STK32C: variants seen among roughly 807,000 people sequenced by gnomAD.
STK32C encodes serine/threonine-protein kinase 32C.
STK32C carries 31 observed loss-of-function variants against 56.5 expected under a neutral mutation model. The ratio of observed to expected loss-of-function variants is 0.55; its 90% confidence interval spans 0.41 to 0.74. STK32C has a LOEUF of 0.74. Ranked by LOEUF, STK32C falls within the 30% of genes least tolerant of loss-of-function variation. The pLI is 0.00. For synonymous variants in STK32C, 309 were observed against 289.4 expected (o/e 1.07, Z -0.69); for missense variants, 544 against 676.9 (o/e 0.80, Z 2.18).
At chr10:132,242,049 G>A (rs192490191) in intron 2 of STK32C, among the ~76,000 whole-genome samples, 36 of 152,080 alleles carry the variant, frequency 2.4e-4, no homozygotes, top group African/African-American at 8.0e-4. Context: ...GGTGGATGTC[G>A]CAGTGAGCCG....
chr10:132,246,064 T>G, intron 1 of STK32C, 109 bp from the exon 2 acceptor site: 1 of 1,128,910 alleles, frequency 8.9e-7, no homozygotes, highest in Non-Finnish European at 1.3e-6. Context: ...GGGCCCCTCA[T>G]CCTAGAAGAG....
chr10:132,224,046 C>T (rs2062782199), intron 8 of STK32C, among the ~76,000 whole-genome samples: 1 of 152,210 alleles, frequency 6.6e-6, no homozygotes, highest in East Asian at 1.9e-4. Context: ...ACCCACCCAC[C>T]CGACACCCTC....
At chr10:132,270,548 T>C (rs11146297) in intron 1 of STK32C, among the ~76,000 whole-genome samples, 3,363 of 152,294 alleles carry the variant, frequency 0.022, 137 homozygotes, top group African/African-American at 0.077. Flanking sequence ...CCGCAGGGTA[T>C]GGCCGTGAGT....
rs1491352885 is a variant in STK32C at position 132,268,955 on chromosome 10, TCG to T, written c.263-23002_263-23001del. Among the ~76,000 whole-genome samples, 27 of 79,962 alleles carry T rather than the reference TCG, an allele frequency of 3.4e-4. No homozygotes were observed. The East Asian group carries it at 8.6e-3, about 25-fold the overall frequency. The allele number at this position is 79,962 out of a possible 152,430, so 52.5% of individuals were successfully genotyped here. The stretch of plus-strand genomic sequence containing the variant: ...TGCCTGTGTGCATGCATGTCTCACA[TCG>T]TGTGTGTGTGTGTGTCGGTGTGTGT... On this transcript the variant is annotated intron_variant, in intron 1 of 11. Transcript: ENST00000298630.
At chr10:132,268,449 GTGCA>G (rs1190403400) in intron 1 of STK32C, among the ~76,000 whole-genome samples, 1 of 144,238 alleles carries the variant, frequency 6.9e-6, no homozygotes, top group Non-Finnish European at 1.5e-5. Flanking sequence ...CTATGCCTGT[GTGCA>G]TGCATGTCCC....
At chr10:132,248,916 G>C (rs568759516) in intron 1 of STK32C, 1 of 455,836 alleles carries the variant, frequency 2.2e-6, no homozygotes, top group East Asian at 7.0e-5. Context: ...ATAAGCACAA[G>C]TTCCCAAGGT....
chr10:132,225,864 G>C, intron 4 of STK32C, 80 bp from the exon 5 acceptor site: 1 of 1,585,390 alleles, frequency 6.3e-7, no homozygotes, highest in Non-Finnish European at 8.6e-7. Flanking sequence ...AATCCCTGGA[G>C]TCCCCAGGAC....
At chr10:132,311,354 G>A (rs895497074), upstream of STK32C, among the ~76,000 whole-genome samples, 7 of 152,378 alleles carry the variant, frequency 4.6e-5, no homozygotes, top group East Asian at 1.3e-3. This position sits in a 1 kb window ranked among gnomAD's most constrained non-coding sequence, Gnocchi z 4.4. Context: ...TCCGATGCTG[G>A]TGTCCACCTA....
At chr10:132,215,080 A>G (rs1311781429) in intron 10 of STK32C, among the ~76,000 whole-genome samples, 1 of 152,156 alleles carries the variant, frequency 6.6e-6, no homozygotes, top group Admixed American at 6.5e-5. Context: ...GTGCAGGGGC[A>G]TGATCATAGC....
chr10:132,326,286 T>C (rs1017453304), intron 1 of STK32C, among the ~76,000 whole-genome samples: 2 of 152,182 alleles, frequency 1.3e-5, no homozygotes, highest in African/African-American at 2.4e-5. Flanking sequence ...CCAGAGTCAG[T>C]TGGAGTTGGT....
intron 1 of STK32C, among the ~76,000 whole-genome samples, chr10:132,256,852 T>C (rs1188140851): frequency 6.6e-6 from 1 of 152,122 alleles, no homozygotes; most frequent in Non-Finnish European, 1.5e-5. Context: ...GGAGCTGCAA[T>C]GGAGACAGCC....
chr10:132,282,934 C>T (rs2065260825), intron 1 of STK32C, among the ~76,000 whole-genome samples: 1 of 152,240 alleles, frequency 6.6e-6, no homozygotes, highest in Admixed American at 6.5e-5. Context: ...CTGTCACAGC[C>T]CCTCTGAGGC....
chr10:132,233,434 G>A (rs1429502712), intron 2 of STK32C, among the ~76,000 whole-genome samples: 3 of 152,206 alleles, frequency 2.0e-5, no homozygotes, highest in Non-Finnish European at 4.4e-5. Context: ...GGATTCTAAC[G>A]CGGTGAGTGG....
intron 2 of STK32C, among the ~76,000 whole-genome samples, chr10:132,230,495 C>T (rs2063054372): frequency 6.6e-6 from 1 of 152,258 alleles, no homozygotes; most frequent in Non-Finnish European, 1.5e-5. Flanking sequence ...TCACTGCAGG[C>T]TCAAGGCGGC....
intron 1 of STK32C, among the ~76,000 whole-genome samples, chr10:132,250,996 G>A (rs769589807): frequency 1.3e-5 from 2 of 152,196 alleles, no homozygotes; most frequent in Non-Finnish European, 2.9e-5. Flanking sequence ...CATAGCAGAG[G>A]CCTGGGTGGG....
chr10:132,281,006 G>A (rs146694328), intron 1 of STK32C, among the ~76,000 whole-genome samples: 104 of 144,910 alleles, frequency 7.2e-4, no homozygotes, highest in Non-Finnish European at 1.2e-3. Context: ...CCGTGATCAC[G>A]CCCCTGCACT....
chr10:132,249,868 C>A (rs1418507056), intron 1 of STK32C, among the ~76,000 whole-genome samples: 1 of 152,252 alleles, frequency 6.6e-6, no homozygotes, highest in African/African-American at 2.4e-5. Context: ...TGACCACCGG[C>A]CCTGCCCCAC....
Position 132,225,235 on chromosome 10 carries a change from A to G in STK32C, c.874T>C (p.Trp292Arg), listed in dbSNP as rs975741982. The G allele has an allele frequency of 2.5e-6, 4 of 1,607,826 alleles. No homozygotes were observed. In the African/African-American group the frequency reaches 5.4e-5, roughly 22 times the overall value. Residue 292 changes from tryptophan to arginine, a missense_variant and splice_region_variant, in exon 7 of 12, where the codon TGG becomes CGG. Around this residue, in one of 3 missense-constraint regions of STK32C, gnomAD observed 277 missense variants for 309.3 expected, o/e 0.90. Transcript: ENST00000298630. ...CAGGGGCTGCAGGGGGTCCATACCCATCCTCGCAGCAGCTCATAGGCCATC... is the reference window on the plus strand; with the variant it reads ...CAGGGGCTGCAGGGGGTCCATACCCGTCCTCGCAGCAGCTCATAGGCCATC... Reference protein sequence around the residue: ...GVMAYELLRGWRPYDIHSSNA... With the variant: ...GVMAYELLRGRRPYDIHSSNA...
At chr10:132,272,566 C>T (rs1173332575) in intron 1 of STK32C, among the ~76,000 whole-genome samples, 1 of 152,200 alleles carries the variant, frequency 6.6e-6, no homozygotes, top group Non-Finnish European at 1.5e-5. Context: ...CACCCCAGCC[C>T]GTCTGTCGGG....
Sources: gnomAD v4.1 joint callset for allele counts (sites outside exome capture counted in the v4.1 genomes callset) on GRCh38, gnomAD v4.1.1 for gene constraint, gnomAD v4.1.1 regional missense constraint, Gnocchi (gnomAD v3.1) non-coding constraint, MANE v1.5 for transcripts, NCBI Gene and HGNC (gene_info 2026-07-23, HGNC 2026-07-21) for gene names.